Variants in ALPK1 observed in about 807,000 individuals in gnomAD.
The protein encoded by ALPK1 is alpha kinase 1, also known as alpha-protein kinase 1.
ALPK1 carries 110 observed loss-of-function variants against 120.6 expected under a neutral mutation model. The observed-to-expected ratio is 0.91, with a 90% CI of 0.78 to 1.07. The LOEUF (loss-of-function observed/expected upper bound fraction) is 1.07, where lower values mean the gene tolerates loss of function less well. Among genes scored for constraint, ALPK1 ranks in the 50% least tolerant of loss-of-function variants. ALPK1 has a pLI of 0.00. For synonymous variants in ALPK1, 582 were observed against 560.3 expected, an observed-to-expected ratio of 1.04 and a Z score of -0.55; for missense variants, 1,498 against 1,483.9, an observed-to-expected ratio of 1.01 and a Z score of -0.16.
intron 2 of ALPK1, among the ~76,000 whole-genome samples, chr4:112,351,156 G>A (rs1289925072): frequency 2.6e-5 from 4 of 152,164 alleles, no homozygotes; most frequent in African/African-American, 9.7e-5. Flanking sequence ...CTGCAGTGAT[G>A]GCCTTTTCTT....
chr4:112,340,214 T>C lies in ALPK1; in HGVS notation c.-101+24362T>C, dbSNP rs562487810. Among the ~76,000 whole-genome samples the C allele has an allele frequency of 2.0e-5, 3 of 152,354 alleles. No homozygotes were observed. The South Asian group carries it at 6.2e-4, about 32-fold the overall frequency. Reference sequence around the variant, plus strand: ...GCTCTTTAAAGAGGATTAGCCTTAGTGCGCTGGGAGCATTCAATGCTGGAT... The same window carrying C: ...GCTCTTTAAAGAGGATTAGCCTTAGCGCGCTGGGAGCATTCAATGCTGGAT... On this transcript the variant is annotated intron_variant, in intron 2 of 15. Transcript: ENST00000650871.
At chr4:112,313,143 A>T (rs1241115760) in intron 1 of ALPK1, among the ~76,000 whole-genome samples, 1 of 152,268 alleles carries the variant, frequency 6.6e-6, no homozygotes, top group African/African-American at 2.4e-5. Flanking sequence ...GGCTGGAGAC[A>T]GGAATTTGAT....
chr4:112,416,875 C>CAAAAA, intron 5 of ALPK1, among the ~76,000 whole-genome samples: 1 of 106,264 alleles, frequency 9.4e-6, no homozygotes, highest in Non-Finnish European at 1.9e-5. Flanking sequence ...GACCCTGTCT[C>CAAAAA]AAAAAAAAAA....
intron 2 of ALPK1, among the ~76,000 whole-genome samples, chr4:112,322,049 G>A (rs1049245902): frequency 6.6e-6 from 1 of 152,142 alleles, no homozygotes; most frequent in East Asian, 1.9e-4. Flanking sequence ...CGTCAAGATG[G>A]GGGTTGATGT....
intron 2 of ALPK1, among the ~76,000 whole-genome samples, chr4:112,348,971 A>T (rs1560647491): frequency 6.6e-6 from 1 of 152,168 alleles, no homozygotes; most frequent in Non-Finnish European, 1.5e-5. Flanking sequence ...TTCAGGGCGC[A>T]CTTCTCTGAC....
intron 1 of ALPK1, among the ~76,000 whole-genome samples, chr4:112,304,312 G>C (rs990091737): frequency 2.0e-5 from 3 of 152,062 alleles, no homozygotes; most frequent in African/African-American, 7.3e-5. Context: ...CTAGATCCTT[G>C]AGAAAATGCC....
intron 2 of ALPK1, among the ~76,000 whole-genome samples, chr4:112,349,558 C>G (rs975176539): frequency 2.8e-5 from 4 of 144,972 alleles, no homozygotes; most frequent in Non-Finnish European, 6.0e-5. Context: ...CCTGCCCCCC[C>G]CCGCTTTATT....
At chr4:112,403,902 A>G (rs1733040050) in intron 4 of ALPK1, among the ~76,000 whole-genome samples, 1 of 152,198 alleles carries the variant, frequency 6.6e-6, no homozygotes, top group South Asian at 2.1e-4. Flanking sequence ...CTGCTCAAAT[A>G]TATGGCGTGT....
intron 3 of ALPK1, 53 bp from the exon 4 acceptor site, chr4:112,382,344 TC>T: frequency 7.3e-7 from 1 of 1,374,452 alleles, no homozygotes; most frequent in Non-Finnish European, 1.0e-6. Context: ...CATTGGTAGC[TC>T]AACAGCCTTT....
intron 4 of ALPK1, among the ~76,000 whole-genome samples, chr4:112,401,046 C>T (rs1052534594): frequency 2.6e-5 from 4 of 152,144 alleles, no homozygotes; most frequent in South Asian, 2.1e-4. Context: ...TAAAAGAAAC[C>T]GATGCCCGGG....
intron 6 of ALPK1, among the ~76,000 whole-genome samples, chr4:112,424,676 G>A (rs1467219470): frequency 6.6e-6 from 1 of 152,130 alleles, no homozygotes; most frequent in Admixed American, 6.5e-5. Context: ...CATTTCTAGT[G>A]GGGAGACAGT....
At chr4:112,355,545 A>G (rs1730563458) in intron 2 of ALPK1, among the ~76,000 whole-genome samples, 1 of 152,248 alleles carries the variant, frequency 6.6e-6, no homozygotes, top group Admixed American at 6.5e-5. Flanking sequence ...AGGCCCATGC[A>G]GCTATCCAGG....
chr4:112,357,651 CTGGGTGGGG>C, intron 2 of ALPK1: 1 of 1,608,318 alleles, frequency 6.2e-7, no homozygotes. Context: ...AGCACCAGAT[CTGGGTGGGG>C]ATCATCCCCA....
intron 4 of ALPK1, among the ~76,000 whole-genome samples, chr4:112,396,964 G>T (rs1181953166): frequency 6.6e-6 from 1 of 151,994 alleles, no homozygotes; most frequent in Non-Finnish European, 1.5e-5. Context: ...TTTAACAGAG[G>T]TAGGTCATCA....
chr4:112,334,075 A>G (rs1269951567), intron 2 of ALPK1, among the ~76,000 whole-genome samples: 1 of 152,142 alleles, frequency 6.6e-6, no homozygotes, highest in African/African-American at 2.4e-5. Flanking sequence ...ACCCTCATCA[A>G]GATACAGAAC....
intron 10 of ALPK1, among the ~76,000 whole-genome samples, chr4:112,429,849 AAAAAAG>A (rs1176157570): frequency 1.4e-5 from 2 of 145,508 alleles, no homozygotes; most frequent in Non-Finnish European, 3.0e-5. Flanking sequence ...CAAAAAAAAA[AAAAAAG>A]AAAAGAAAAG....
chr4:112,429,544 C>T (rs910315848), intron 10 of ALPK1, among the ~76,000 whole-genome samples: 1 of 152,146 alleles, frequency 6.6e-6, no homozygotes, highest in African/African-American at 2.4e-5. Flanking sequence ...TCTCAAAATA[C>T]ATATTCCTGC....
intron 9 of ALPK1, among the ~76,000 whole-genome samples, chr4:112,428,652 G>T (rs2148760709): frequency 6.6e-6 from 1 of 152,126 alleles, no homozygotes; most frequent in East Asian, 1.9e-4. Flanking sequence ...CAAATACTAT[G>T]CACTTTACTT....
chr4:112,409,252 C>T (rs1397264189), intron 4 of ALPK1, among the ~76,000 whole-genome samples: 1 of 152,046 alleles, frequency 6.6e-6, no homozygotes, highest in African/African-American at 2.4e-5. Context: ...GGCCAAGTAG[C>T]AAAATACACA....
Sources: gnomAD v4.1 joint callset for allele counts (sites outside exome capture counted in the v4.1 genomes callset) on GRCh38, gnomAD v4.1.1 for gene constraint, MANE v1.5 for transcripts, NCBI Gene and HGNC (gene_info 2026-07-23, HGNC 2026-07-21) for gene names.